Variants in FOCAD observed in about 807,000 individuals in gnomAD.
The protein encoded by FOCAD is focadhesin.
FOCAD carries 198 observed loss-of-function variants against 225.6 expected under a neutral mutation model. That is an observed-to-expected ratio of 0.88 (90% confidence interval 0.78 to 0.99). The LOEUF is 0.99. Ranked by LOEUF, FOCAD falls within the 50% of genes least tolerant of loss-of-function variation. The pLI is 0.00. For missense variants in FOCAD, 2,713 were observed against 2,123.6 expected (o/e 1.28, Z -5.46); for synonymous variants, 897 against 755.0 (o/e 1.19, Z -3.08).
chr9:20,741,017 C>T (rs901348800), intron 5 of FOCAD, among the ~76,000 whole-genome samples: 2 of 152,094 alleles, frequency 1.3e-5, no homozygotes, highest in Non-Finnish European at 2.9e-5. Context: ...CCAGAAGATG[C>T]ATGTGATCAG....
At chr9:20,740,459 A>G in intron 5 of FOCAD, 119 bp downstream of exon 5, 1 of 561,510 alleles carries the variant, frequency 1.8e-6, no homozygotes, top group Non-Finnish European at 3.1e-6. Flanking sequence ...GCACACAGTG[A>G]TTGTGGGTGT....
At chr9:20,808,023 G>A (rs1478980505) in intron 11 of FOCAD, among the ~76,000 whole-genome samples, 1 of 151,864 alleles carries the variant, frequency 6.6e-6, no homozygotes, top group Non-Finnish European at 1.5e-5. Context: ...TGTATTCTAG[G>A]GCGACAGAGT....
At chr9:20,882,786 A>G (rs1265341575) in intron 20 of FOCAD, among the ~76,000 whole-genome samples, 1 of 152,184 alleles carries the variant, frequency 6.6e-6, no homozygotes, top group African/African-American at 2.4e-5. Context: ...CTCTCAAGTT[A>G]TTTGCGACAT....
At chr9:20,867,073 C>A in intron 18 of FOCAD, 61 bp downstream of exon 18, 2 of 1,123,834 alleles carry the variant, frequency 1.8e-6, no homozygotes, top group Non-Finnish European at 1.3e-6. Context: ...AACTTTTTCT[C>A]TCTCATCTTA....
intron 26 of FOCAD, chr9:20,927,755 G>T (rs1319687821): frequency 6.6e-6 from 1 of 152,048 alleles, no homozygotes; most frequent in Non-Finnish European, 1.5e-5. Flanking sequence ...AGTGGCAGAG[G>T]ATTATAGTTA....
chr9:20,962,068 T>C (rs1838781118), intron 35 of FOCAD, among the ~76,000 whole-genome samples: 1 of 152,132 alleles, frequency 6.6e-6, no homozygotes, highest in Non-Finnish European at 1.5e-5. Context: ...TTCTATGGAC[T>C]TAGTGTAGAA....
At chr9:20,916,635 A>G (rs544307384) in intron 23 of FOCAD, among the ~76,000 whole-genome samples, 1 of 152,308 alleles carries the variant, frequency 6.6e-6, no homozygotes, top group South Asian at 2.1e-4. Context: ...ATACTGTTAC[A>G]GTGCTATCTG....
chr9:20,770,773 G>A (rs1818134502), intron 8 of FOCAD, among the ~76,000 whole-genome samples: 1 of 152,116 alleles, frequency 6.6e-6, no homozygotes, highest in African/African-American at 2.4e-5. Flanking sequence ...AATACCATTA[G>A]CGCATATTGC....
intron 19 of FOCAD, among the ~76,000 whole-genome samples, chr9:20,878,889 A>C (rs1171449583): frequency 6.6e-6 from 1 of 152,104 alleles, no homozygotes; most frequent in African/African-American, 2.4e-5. Context: ...CTGTAGTTTA[A>C]AGGCTGTTGA....
Position 20,843,668 on chromosome 9 carries a change from G to C in FOCAD, c.1921-18910G>C, listed in dbSNP as rs552297867. Among the ~76,000 whole-genome samples the C allele has an allele frequency of 3.2e-4, 49 of 152,138 alleles. No individual in the cohort carries two copies. In the South Asian group the frequency reaches 3.7e-3, roughly 12 times the overall value. ...TTTCTCTAGGTTTGGGAAGTTCTCT[G>C]TTATTATCTCTTTAAAAATCTTTGT... On this transcript the variant is annotated intron_variant, in intron 15 of 43. Coordinates refer to ENST00000338382, the MANE Select transcript of FOCAD (RefSeq NM_001375567.1).
chr9:20,746,932 G>A (rs1250139415), intron 5 of FOCAD, among the ~76,000 whole-genome samples: 1 of 152,170 alleles, frequency 6.6e-6, no homozygotes, highest in African/African-American at 2.4e-5. Flanking sequence ...AAATGACGCT[G>A]TGTCCTTCTG....
intron 1 of FOCAD, among the ~76,000 whole-genome samples, chr9:20,706,522 A>G (rs995061225): frequency 5.3e-5 from 8 of 152,198 alleles, no homozygotes; most frequent in Admixed American, 4.6e-4. Flanking sequence ...GTGATATGGA[A>G]TTGTGCAGGT....
At chr9:20,899,443 T>A (rs893969970) in intron 21 of FOCAD, among the ~76,000 whole-genome samples, 11 of 151,950 alleles carry the variant, frequency 7.2e-5, no homozygotes, top group African/African-American at 2.2e-4. Flanking sequence ...GCTGTGATTC[T>A]CTCTGTAGCT....
intron 15 of FOCAD, among the ~76,000 whole-genome samples, chr9:20,840,788 A>C (rs971773268): frequency 1.3e-5 from 2 of 151,888 alleles, no homozygotes; most frequent in Non-Finnish European, 2.9e-5. Flanking sequence ...GGGCATCCTT[A>C]GTCTTGTTCT....
At chr9:20,924,769 G>A (rs1490704677) in intron 25 of FOCAD, among the ~76,000 whole-genome samples, 1 of 152,146 alleles carries the variant, frequency 6.6e-6, no homozygotes, top group East Asian at 1.9e-4. Context: ...CTTAAAAACT[G>A]TATTTTGGGA....
At chr9:20,741,653 A>G (rs941564872) in intron 5 of FOCAD, among the ~76,000 whole-genome samples, 4 of 146,152 alleles carry the variant, frequency 2.7e-5, no homozygotes, top group Admixed American at 6.9e-5. Flanking sequence ...TGCAGAGTAA[A>G]GCTTTCCAAA....
chr9:20,804,954 C>A (rs896904586), intron 11 of FOCAD, among the ~76,000 whole-genome samples: 1 of 152,058 alleles, frequency 6.6e-6, no homozygotes, highest in African/African-American at 2.4e-5. Flanking sequence ...TAACAATTGC[C>A]CTTAAATGTT....
chr9:20,781,601 G>C (rs1325922475), intron 9 of FOCAD, 126 bp from the exon 10 acceptor site: 14 of 695,446 alleles, frequency 2.0e-5, no homozygotes, highest in Non-Finnish European at 3.3e-5. Context: ...TATCAACCTA[G>C]TTATGTGTCT....
At chr9:20,745,328 G>T (rs531703987) in intron 5 of FOCAD, among the ~76,000 whole-genome samples, 3 of 152,082 alleles carry the variant, frequency 2.0e-5, no homozygotes, top group Admixed American at 6.6e-5. Context: ...GAGCTCAAGC[G>T]ATCCACCTGC....
Sources: gnomAD v4.1 joint callset for allele counts (sites outside exome capture counted in the v4.1 genomes callset) on GRCh38, gnomAD v4.1.1 for gene constraint, MANE v1.5 for transcripts, NCBI Gene and HGNC (gene_info 2026-07-23, HGNC 2026-07-21) for gene names.